Variants in DNAH11 observed in about 807,000 individuals in gnomAD.
The protein encoded by DNAH11 is axonemal beta dynein heavy chain 11.
Under a neutral mutation model 526.0 loss-of-function variants are expected in DNAH11, and 442 were observed. That is an observed-to-expected ratio of 0.84 (90% CI 0.78 to 0.91). The LOEUF is 0.91. Ranked by LOEUF, DNAH11 falls within the 40% of genes least tolerant of loss-of-function variation. DNAH11 has a pLI of 0.00. For missense variants in DNAH11, 6,989 were observed against 5,448.7 expected (o/e 1.28, Z -8.90); for synonymous variants, 2,461 against 1,935.9 (o/e 1.27, Z -7.12).
Position 21,663,499 on chromosome 7 carries a change from G to T in DNAH11, c.5328+4468G>T, listed in dbSNP as rs894990579. 1.3e-5 allele frequency among the ~76,000 whole-genome samples: 2 copies of T among 151,974 alleles called. 1 individual carries two copies. The highest frequency in any genetic ancestry group is 1.3e-4 in the Admixed American group (2 of 15,244). ...TTCACCAACATCTGTGTTGTTGTTGGTCTTTTTAATAGCCATTCTGACTGC... is the reference window on the plus strand; with the variant it reads ...TTCACCAACATCTGTGTTGTTGTTGTTCTTTTTAATAGCCATTCTGACTGC... On this transcript the variant is annotated intron_variant, in intron 30 of 81. Coordinates refer to ENST00000409508, the MANE Select transcript of DNAH11 (RefSeq NM_001277115.2).
chr7:21,610,424 T>G (rs1785473669), intron 20 of DNAH11, among the ~76,000 whole-genome samples: 1 of 152,064 alleles, frequency 6.6e-6, no homozygotes, highest in South Asian at 2.1e-4. Context: ...GAAGCAAACC[T>G]AAATCATCTC....
At chr7:21,704,086 A>C (rs1275954881) in intron 37 of DNAH11, among the ~76,000 whole-genome samples, 1 of 152,226 alleles carries the variant, frequency 6.6e-6, no homozygotes, top group Non-Finnish European at 1.5e-5. Context: ...ACTTTGGATA[A>C]AATGATCTGA....
chr7:21,854,086 G>C (rs951313867), intron 67 of DNAH11, among the ~76,000 whole-genome samples: 4 of 152,088 alleles, frequency 2.6e-5, no homozygotes, highest in African/African-American at 9.7e-5. Flanking sequence ...CTGTAACCTA[G>C]AAAACCGCTA....
chr7:21,901,558 G>C lies in DNAH11; in HGVS notation c.*304G>C. The C allele has an allele frequency of 4.8e-6, 1 of 208,960 alleles. No homozygotes were observed. The highest frequency in any genetic ancestry group is 9.4e-6 in the Non-Finnish European group (1 of 106,546). The allele number at this position is 208,960 out of a possible 1,614,324, so 12.9% of individuals were successfully genotyped here. ...CACTCCCTCCTGGGCAACAGAACAA[G>C]ACTCCATCTCAAAAAAAAAAAAGTA... On this transcript the variant is annotated 3_prime_UTR_variant, in exon 82 of 82. Transcript: ENST00000409508.
At chr7:21,863,024 A>G (rs537183723) in intron 69 of DNAH11, among the ~76,000 whole-genome samples, 118 of 142,786 alleles carry the variant, frequency 8.3e-4, no homozygotes, top group African/African-American at 2.8e-3. Flanking sequence ...AGATCACGCC[A>G]CTGCACTCCA....
At chr7:21,635,179 A>G (rs1000123330) in intron 25 of DNAH11, among the ~76,000 whole-genome samples, 1 of 151,984 alleles carries the variant, frequency 6.6e-6, no homozygotes, top group Non-Finnish European at 1.5e-5. Context: ...TGTTTGAGAC[A>G]GAGTCTCACT....
intron 45 of DNAH11, 53 bp from the exon 46 acceptor site, chr7:21,735,587 C>T: frequency 1.3e-6 from 2 of 1,508,594 alleles, no homozygotes; most frequent in Non-Finnish European, 1.8e-6. Flanking sequence ...CTCTCTCTCG[C>T]ACGCACTCTC....
chr7:21,746,231 G>C lies in DNAH11; in HGVS notation c.8510+1168G>C, dbSNP rs111649199. ...CTCCTAGTCCAAGTCACCTTCATCTGTCATTGACACCAGCAGGAAGACTTC... is the reference window on the plus strand; with the variant it reads ...CTCCTAGTCCAAGTCACCTTCATCTCTCATTGACACCAGCAGGAAGACTTC... On this transcript the variant is annotated intron_variant, in intron 51 of 81. Transcript: ENST00000409508. Among the ~76,000 whole-genome samples, 1,324 of 152,242 alleles carry C rather than the reference G, an allele frequency of 8.7e-3. 24 individuals carry two copies. The highest frequency in any genetic ancestry group is 0.03 in the African/African-American group (1,261 of 41,540).
At chr7:21,737,561 C>T (rs1037218099) in intron 46 of DNAH11, among the ~76,000 whole-genome samples, 1 of 152,104 alleles carries the variant, frequency 6.6e-6, no homozygotes, top group African/African-American at 2.4e-5. Context: ...GGAGATCAGT[C>T]CCCCTGAGTA....
chr7:21,570,482 A>G (rs1783843114), intron 7 of DNAH11, 183 bp downstream of exon 7: 2 of 484,134 alleles, frequency 4.1e-6, no homozygotes, highest in East Asian at 6.6e-5. Flanking sequence ...TTAAATCTTT[A>G]ATTTGGATTT....
At chr7:21,633,685 G>A (rs183886128) in intron 25 of DNAH11, among the ~76,000 whole-genome samples, 1 of 152,328 alleles carries the variant, frequency 6.6e-6, no homozygotes, top group East Asian at 1.9e-4. Context: ...CTTGAGTAGG[G>A]AGACAAGCAA....
intron 25 of DNAH11, 23 bp from the exon 26 acceptor site, chr7:21,635,847 TA>T (rs771938074): frequency 2.2e-5 from 34 of 1,573,796 alleles, no homozygotes; most frequent in Non-Finnish European, 2.7e-5. Flanking sequence ...AGCTACTATT[TA>T]AAATTCTTTG....
At chr7:21,681,258 C>A (rs1015509411) in intron 30 of DNAH11, among the ~76,000 whole-genome samples, 1 of 152,052 alleles carries the variant, frequency 6.6e-6, no homozygotes, top group African/African-American at 2.4e-5. Flanking sequence ...GAAATCATGT[C>A]CCTACGAAAA....
At chr7:21,678,717 C>T (rs1783011002) in intron 30 of DNAH11, among the ~76,000 whole-genome samples, 2 of 152,062 alleles carry the variant, frequency 1.3e-5, no homozygotes, top group Admixed American at 1.3e-4. Flanking sequence ...TTATTTGTGT[C>T]TTTAATTTTT....
intron 58 of DNAH11, among the ~76,000 whole-genome samples, chr7:21,786,052 G>C (rs1042394628): frequency 2.0e-5 from 3 of 152,160 alleles, no homozygotes; most frequent in Admixed American, 6.6e-5. Context: ...AATATCATCT[G>C]TTGGATTAAT....
chr7:21,561,876 T>C (rs1263966364), intron 5 of DNAH11, among the ~76,000 whole-genome samples: 1 of 152,224 alleles, frequency 6.6e-6, no homozygotes, highest in Non-Finnish European at 1.5e-5. Flanking sequence ...AAGTAACTTT[T>C]TTTGTTTCTA....
Position 21,694,060 on chromosome 7 carries a change from A to G in DNAH11, c.6041+3179A>G, listed in dbSNP as rs386465263. Reference sequence around the variant, plus strand: ...TGAAGAATGGGGAAAATCTGCTCCCATGATCCAGTCACCTTCCACCAGGTC... The same window carrying G: ...TGAAGAATGGGGAAAATCTGCTCCCGTGATCCAGTCACCTTCCACCAGGTC... On this transcript the variant is annotated intron_variant, in intron 35 of 81. Coordinates refer to ENST00000409508, the MANE Select transcript of DNAH11 (RefSeq NM_001277115.2). 2.3e-3 allele frequency among the ~76,000 whole-genome samples: 354 copies of G among 152,324 alleles called. 4 individuals are homozygous for G. Among genetic ancestry groups the G allele is most frequent in the South Asian group, 0.018 (86 of 4,816 alleles).
intron 73 of DNAH11, among the ~76,000 whole-genome samples, chr7:21,871,192 C>T (rs1311205143): frequency 6.6e-6 from 1 of 152,302 alleles, no homozygotes; most frequent in East Asian, 1.9e-4. Flanking sequence ...ATAAAAGTAG[C>T]AGGCCGGCAA....
intron 27 of DNAH11, among the ~76,000 whole-genome samples, chr7:21,638,696 GT>G (rs1562720156): frequency 0.011 from 498 of 46,192 alleles, 8 homozygotes; most frequent in African/African-American, 0.035. Context: ...AATGGGGTGT[GT>G]GTGTGTGTGT....
Sources: allele counts gnomAD v4.1 joint callset (sites outside exome capture counted in the v4.1 genomes callset), GRCh38; gene constraint gnomAD v4.1.1; transcripts MANE v1.5; gene names NCBI Gene and HGNC (gene_info 2026-07-23, HGNC 2026-07-21).